DCAF8L2: variants seen among roughly 807,000 people sequenced by gnomAD.
DCAF8L2 encodes DDB1- and CUL4-associated factor 8-like protein 2.
For missense variants in DCAF8L2, 430 were observed against 490.7 expected (o/e 0.88, Z 1.17); for synonymous variants, 200 against 190.9 (o/e 1.05, Z -0.39).
chrX:27,726,540 G>A (rs1429697361), intron 4 of DCAF8L2, among the ~76,000 whole-genome samples: 1 of 111,061 alleles, frequency 9.0e-6, no homozygotes, highest in Non-Finnish European at 1.9e-5. Context: ...CTCAGACTAA[G>A]AAATAATATA....
At chrX:27,545,350 TATC>T in the DCAF8L2 span, among the ~76,000 whole-genome samples, 1 of 111,991 alleles carries the variant, frequency 8.9e-6, no homozygotes, top group Non-Finnish European at 1.9e-5. Context: ...TGTGCGCACT[TATC>T]ATTAAAGGCA....
chrX:27,639,935 A>G (rs1260015638), intron 2 of DCAF8L2, among the ~76,000 whole-genome samples: 1 of 111,737 alleles, frequency 8.9e-6, no homozygotes, highest in African/African-American at 3.2e-5. Context: ...AATTTTATTT[A>G]TTTAATTTTA....
At chrX:27,658,956 C>A (rs1929453844) in intron 2 of DCAF8L2, among the ~76,000 whole-genome samples, 1 of 112,191 alleles carries the variant, frequency 8.9e-6, no homozygotes, top group African/African-American at 3.2e-5. Flanking sequence ...ATTATTAACA[C>A]AGTTTTTAAT....
At chrX:27,488,688 A>C in the DCAF8L2 span, among the ~76,000 whole-genome samples, 1 of 110,885 alleles carries the variant, frequency 9.0e-6, no homozygotes, top group East Asian at 2.8e-4. Context: ...ACAGGGTCTC[A>C]GTCTGTCGCC....
chrX:27,625,297 T>C (rs1299531100), intron 1 of DCAF8L2, among the ~76,000 whole-genome samples: 1 of 111,789 alleles, frequency 8.9e-6, no homozygotes, highest in African/African-American at 3.3e-5. Flanking sequence ...CACAGTGAGA[T>C]ACCATCTCAC....
At chrX:27,746,588 C>T (rs1225572649) in intron 4 of DCAF8L2, among the ~76,000 whole-genome samples, 3 of 111,568 alleles carry the variant, frequency 2.7e-5, no homozygotes, top group Admixed American at 9.5e-5. Context: ...TTCAAAAACC[C>T]GCAGCTACTC....
chrX:27,611,138 A>G (rs1927142737), intron 1 of DCAF8L2, among the ~76,000 whole-genome samples: 1 of 110,166 alleles, frequency 9.1e-6, no homozygotes. Context: ...GATGATCAAG[A>G]GGTATCTATC....
chrX:27,477,582 C>G, the DCAF8L2 span, among the ~76,000 whole-genome samples: 8 of 112,035 alleles, frequency 7.1e-5, no homozygotes, highest in African/African-American at 2.6e-4. Context: ...CCACTGCGCC[C>G]GGCCTCTTTA....
chrX:27,522,306 C>T, the DCAF8L2 span, among the ~76,000 whole-genome samples: 25 of 112,166 alleles, frequency 2.2e-4, no homozygotes, highest in African/African-American at 7.4e-4. Context: ...GGATTACAGG[C>T]GTGAGCCACC....
upstream of DCAF8L2, among the ~76,000 whole-genome samples, chrX:27,588,887 T>C (rs1925968077): frequency 9.2e-6 from 1 of 108,117 alleles, no homozygotes; most frequent in Admixed American, 9.9e-5. Context: ...CGAGAATGAG[T>C]TTATTGAAAT....
the DCAF8L2 span, among the ~76,000 whole-genome samples, chrX:27,564,537 TGCA>T: frequency 2.1e-5 from 1 of 46,769 alleles, no homozygotes; most frequent in Non-Finnish European, 4.0e-5. Flanking sequence ...CGCACACACA[TGCA>T]CACACACACA....
intron 2 of DCAF8L2, among the ~76,000 whole-genome samples, chrX:27,642,041 A>G (rs952021721): frequency 9.3e-6 from 1 of 107,671 alleles, no homozygotes; most frequent in African/African-American, 3.4e-5. Flanking sequence ...GGTGCCTGCC[A>G]CCATGCCGGG....
chrX:27,666,245 C>A (rs1396294266), intron 2 of DCAF8L2, among the ~76,000 whole-genome samples: 1 of 112,013 alleles, frequency 8.9e-6, no homozygotes, highest in Non-Finnish European at 1.9e-5. Flanking sequence ...GCAACCTCTG[C>A]AAAGCCTCTA....
intron 2 of DCAF8L2, among the ~76,000 whole-genome samples, chrX:27,634,081 C>T (rs996889936): frequency 9.0e-6 from 1 of 111,508 alleles, no homozygotes; most frequent in Admixed American, 9.6e-5. Context: ...GTATTTTCTA[C>T]AGAATTTAGC....
At position 27,689,139 on chromosome X, in the gene DCAF8L2, T is replaced by C. The variant is rs1191810223; in HGVS notation, c.-143+11227T>C. Among the ~76,000 whole-genome samples, 4 of 112,595 alleles carry C rather than the reference T, an allele frequency of 3.6e-5. No individual in the cohort carries two copies. In the East Asian group the frequency reaches 8.4e-4, roughly 24 times the overall value. On this transcript the variant is annotated intron_variant, in intron 3 of 4. Coordinates refer to ENST00000451261, the MANE Select transcript of DCAF8L2 (RefSeq NM_001353450.2). ...TGCAAAATTTGAAAGCACATGTACC[T>C]TGATTTATCAATTTTCCTTTAGGGT... is the stretch of plus-strand genomic sequence containing the variant.
the DCAF8L2 span, among the ~76,000 whole-genome samples, chrX:27,492,103 A>G: frequency 2.7e-5 from 3 of 112,071 alleles, no homozygotes; most frequent in Non-Finnish European, 5.6e-5. Context: ...CCACAAATCC[A>G]TTTTCTCTCT....
the DCAF8L2 span, among the ~76,000 whole-genome samples, chrX:27,473,224 A>C: frequency 1.8e-5 from 2 of 112,323 alleles, no homozygotes; most frequent in East Asian, 5.6e-4. Flanking sequence ...ATTTGATATT[A>C]TCTAACTGAT....
chrX:27,617,485 T>C (rs865891854), intron 1 of DCAF8L2, among the ~76,000 whole-genome samples: 2 of 111,312 alleles, frequency 1.8e-5, no homozygotes, highest in Non-Finnish European at 3.8e-5. Flanking sequence ...ATGAAATGAA[T>C]CATATGATTC....
chrX:27,720,752 G>A (rs1250347779), intron 4 of DCAF8L2, among the ~76,000 whole-genome samples: 1 of 111,576 alleles, frequency 9.0e-6, no homozygotes, highest in Non-Finnish European at 1.9e-5. Flanking sequence ...AGATCAATTT[G>A]AGAAGAACTG....
Sources: gnomAD v4.1 joint callset for allele counts (sites outside exome capture counted in the v4.1 genomes callset) on GRCh38, gnomAD v4.1.1 for gene constraint, MANE v1.5 for transcripts, NCBI Gene and HGNC (gene_info 2026-07-23, HGNC 2026-07-21) for gene names.